GRK4: variants seen among roughly 807,000 people sequenced by gnomAD.
The protein encoded by GRK4 is G protein-coupled receptor kinase 2-like.
Under a neutral mutation model 77.9 loss-of-function variants are expected in GRK4, and 73 were observed. The observed-to-expected ratio is 0.94, with a 90% CI of 0.78 to 1.14. The LOEUF is 1.14. Among genes scored for constraint, GRK4 ranks in the 50% most tolerant of loss-of-function variants. The pLI is 0.00. For synonymous variants in GRK4, 257 were observed against 254.4 expected (o/e 1.01, Z -0.10); for missense variants, 729 against 700.2 (o/e 1.04, Z -0.46).
At chr4:2,968,326 G>A (rs771346711) in intron 1 of GRK4, among the ~76,000 whole-genome samples, 9 of 152,096 alleles carry the variant, frequency 5.9e-5, no homozygotes, top group Non-Finnish European at 1.2e-4. Flanking sequence ...CTGATTTCAG[G>A]CTGCGGTGTT....
Position 3,021,757 on chromosome 4 carries a change from G to T in GRK4, c.933-657G>T, listed in dbSNP as rs534523159. On this transcript the variant is annotated intron_variant, in intron 9 of 15. Transcript: ENST00000398052. The stretch of plus-strand genomic sequence containing the variant: ...TCCTGGAGTAAATCACACTTCACAG[G>T]TGACTACGGCTGAGCCGCTGTGTTT... 4.6e-5 allele frequency among the ~76,000 whole-genome samples: 7 copies of T among 152,312 alleles called. No individual in the cohort carries two copies. In the South Asian group the frequency reaches 1.5e-3, roughly 32 times the overall value.
At chr4:3,013,649 G>A (rs900048609) in intron 7 of GRK4, 39 bp from the exon 8 acceptor site, 9 of 1,579,536 alleles carry the variant, frequency 5.7e-6, no homozygotes, top group Non-Finnish European at 7.7e-6. Context: ...AGAAATGCCA[G>A]GTGGACATAA....
In GRK4 at chr4:3,009,713, T is replaced by C; in HGVS notation, c.600+2T>C. ...CTAGGAAAAGGCGGATTTGGAGAGGTGAGTAACGGGAGCCAGTTCATAGCA... is the reference window on the plus strand; with the variant it reads ...CTAGGAAAAGGCGGATTTGGAGAGGCGAGTAACGGGAGCCAGTTCATAGCA... On this transcript the variant is annotated splice_donor_variant, in intron 7 of 15. Coordinates refer to ENST00000398052, the MANE Select transcript of GRK4 (RefSeq NM_182982.3). LOFTEE classifies it high-confidence loss of function. 1 of 1,612,412 alleles carries C rather than the reference T, an allele frequency of 6.2e-7. No homozygotes were observed. The highest frequency in any genetic ancestry group is 8.5e-7 in the Non-Finnish European group (1 of 1,178,716).
intron 4 of GRK4, among the ~76,000 whole-genome samples, chr4:3,003,072 A>T (rs1730312429): frequency 6.6e-6 from 1 of 152,098 alleles, no homozygotes; most frequent in South Asian, 2.1e-4. Flanking sequence ...CCATTCAACA[A>T]TTCCCAGTTC....
intron 1 of GRK4, among the ~76,000 whole-genome samples, chr4:2,982,748 C>CT (rs1327676015): frequency 6.6e-6 from 1 of 152,066 alleles, no homozygotes; most frequent in Non-Finnish European, 1.5e-5. Flanking sequence ...AGATGATAGC[C>CT]TTTTTTCAGT....
intron 4 of GRK4, among the ~76,000 whole-genome samples, chr4:2,992,807 C>T (rs564944009): frequency 1.4e-4 from 21 of 151,800 alleles, no homozygotes; most frequent in Non-Finnish European, 2.9e-4. Flanking sequence ...ATGGCAAAAC[C>T]GCATTGCTAC....
chr4:3,032,957 C>T (rs1490561610), intron 12 of GRK4, among the ~76,000 whole-genome samples: 5 of 152,212 alleles, frequency 3.3e-5, no homozygotes, highest in African/African-American at 7.2e-5. Flanking sequence ...TCCCTTTGGG[C>T]TGCTATGACA....
chr4:2,987,937 G>A (rs544057236), intron 2 of GRK4, among the ~76,000 whole-genome samples: 1 of 152,032 alleles, frequency 6.6e-6, no homozygotes, highest in South Asian at 2.1e-4. Context: ...TTACTTGGGT[G>A]TGGAGGCATG....
At chr4:3,028,503 C>T (rs569163737) in intron 11 of GRK4, among the ~76,000 whole-genome samples, 18 of 152,292 alleles carry the variant, frequency 1.2e-4, no homozygotes, top group Middle Eastern at 3.4e-3. Flanking sequence ...GATGGCAAGA[C>T]GTGACACTTG....
At chr4:3,018,782 G>T (rs952828751) in intron 8 of GRK4, among the ~76,000 whole-genome samples, 1 of 152,120 alleles carries the variant, frequency 6.6e-6, no homozygotes, top group Admixed American at 6.5e-5. Context: ...GGAGGCTGAG[G>T]CAGGAGAATC....
At chr4:3,021,477 T>G (rs1032619380) in intron 9 of GRK4, among the ~76,000 whole-genome samples, 1 of 152,222 alleles carries the variant, frequency 6.6e-6, no homozygotes, top group African/African-American at 2.4e-5. Flanking sequence ...CTTTGGCTTC[T>G]CCTTATCTTA....
At chr4:3,004,494 A>C (rs1331192601) in intron 5 of GRK4, among the ~76,000 whole-genome samples, 160 bp downstream of exon 5, 1 of 152,212 alleles carries the variant, frequency 6.6e-6, no homozygotes, top group Admixed American at 6.5e-5. Context: ...CCTTCTGCGC[A>C]GTTGAAAATC....
At chr4:2,991,019 A>T (rs555578482) in intron 3 of GRK4, among the ~76,000 whole-genome samples, 17 of 152,328 alleles carry the variant, frequency 1.1e-4, no homozygotes, top group Non-Finnish European at 2.1e-4. Context: ...CTTGCTCATT[A>T]AATGAATTAG....
intron 2 of GRK4, chr4:2,986,929 A>G (rs1402327376): frequency 3.1e-6 from 1 of 318,280 alleles, no homozygotes; most frequent in African/African-American, 2.2e-5. Flanking sequence ...TTTTAACTCC[A>G]CTGAGTATTT....
At position 2,967,678 on chromosome 4, in the gene GRK4, C is replaced by T. The variant is rs1378074670; in HGVS notation, c.52+3556C>T. Among the ~76,000 whole-genome samples the T allele has an allele frequency of 2.0e-5, 3 of 152,120 alleles. No individual in the cohort carries two copies. In the South Asian group the frequency reaches 6.2e-4, roughly 32 times the overall value. ...CCTCCCAAAGTGCTGGGATTACAGGCGTGAGCCACTGCACCCGGCCCGTAT... is the reference window on the plus strand; with the variant it reads ...CCTCCCAAAGTGCTGGGATTACAGGTGTGAGCCACTGCACCCGGCCCGTAT... On this transcript the variant is annotated intron_variant, in intron 1 of 15. Coordinates refer to ENST00000398052, the MANE Select transcript of GRK4 (RefSeq NM_182982.3).
chr4:3,000,652 C>A (rs1359364119), intron 4 of GRK4, among the ~76,000 whole-genome samples: 3 of 151,732 alleles, frequency 2.0e-5, no homozygotes, highest in African/African-American at 7.3e-5. Context: ...GCAACCTTTG[C>A]CTCCTGGGTT....
chr4:2,963,840 C>T lies in GRK4; in HGVS notation c.-231C>T. 1.8e-6 allele frequency: 1 copy of T among 569,308 alleles called. No individual in the cohort carries two copies. The highest frequency in any genetic ancestry group is 3.1e-6 in the Non-Finnish European group (1 of 325,238). The allele number at this position is 569,308 out of a possible 1,614,324, so 35.3% of individuals were successfully genotyped here. ...TGGGACCCGCCGCGGTCGGGCTGCC[C>T]CCTCCCCTCGCCCCGACCGCTCCCC... On this transcript the variant is annotated 5_prime_UTR_variant, in exon 1 of 16. Transcript: ENST00000398052.
intron 2 of GRK4, 44 bp downstream of exon 2, chr4:2,984,652 A>G: frequency 9.9e-7 from 1 of 1,010,226 alleles, no homozygotes; most frequent in Middle Eastern, 2.1e-4. Context: ...TACATCTGGC[A>G]TGATACCATT....
At chr4:2,977,733 A>C (rs1041919292) in intron 1 of GRK4, among the ~76,000 whole-genome samples, 1 of 152,136 alleles carries the variant, frequency 6.6e-6, no homozygotes, top group African/African-American at 2.4e-5. Flanking sequence ...AAGAAGCGAG[A>C]GAGCACGGAG....
Sources: gnomAD v4.1 joint callset for allele counts (sites outside exome capture counted in the v4.1 genomes callset) on GRCh38, gnomAD v4.1.1 for gene constraint, MANE v1.5 for transcripts, NCBI Gene and HGNC (gene_info 2026-07-23, HGNC 2026-07-21) for gene names.